Variants in KCNIP4 observed in about 807,000 individuals in gnomAD.
KCNIP4 encodes potassium voltage-gated channel interacting protein 4.
A neutral mutation model predicts 34.0 loss-of-function variants in KCNIP4; 12 were observed. That is an observed-to-expected ratio of 0.35 (90% CI 0.23 to 0.57). The LOEUF is 0.57. Ranked by LOEUF, KCNIP4 falls within the 20% of genes least tolerant of loss-of-function variation. The pLI is 0.83. For synonymous variants in KCNIP4, 124 were observed against 102.2 expected, an observed-to-expected ratio of 1.21 and a Z score of -1.29; for missense variants, 238 against 311.7, an observed-to-expected ratio of 0.76 and a Z score of 1.78.
chr4:20,932,998 C>A (rs1167360776), intron 1 of KCNIP4, among the ~76,000 whole-genome samples: 1 of 152,114 alleles, frequency 6.6e-6, no homozygotes, highest in East Asian at 1.9e-4. Context: ...GCAATCCCAG[C>A]ACTTTGGGAG....
chr4:21,727,932 G>A (rs4550912), intron 1 of KCNIP4, among the ~76,000 whole-genome samples: 62,733 of 151,946 alleles, frequency 0.41, 15,164 homozygotes, highest in East Asian at 0.68. Flanking sequence ...GACCTAAAAT[G>A]CAACTAATAA....
At chr4:21,828,223 T>C (rs1264315413) in intron 1 of KCNIP4, among the ~76,000 whole-genome samples, 1 of 151,540 alleles carries the variant, frequency 6.6e-6, no homozygotes, top group Non-Finnish European at 1.5e-5. Flanking sequence ...ACAATTGAAA[T>C]TAATAATAAA....
intron 1 of KCNIP4, among the ~76,000 whole-genome samples, chr4:21,639,838 A>G (rs1746487783): frequency 6.6e-6 from 1 of 152,174 alleles, no homozygotes; most frequent in African/African-American, 2.4e-5. Flanking sequence ...AAAAAACTAC[A>G]GGATAGATTT....
chr4:20,857,067 T>G (rs1388554243), intron 2 of KCNIP4, among the ~76,000 whole-genome samples: 1 of 150,004 alleles, frequency 6.7e-6, no homozygotes, highest in Admixed American at 6.7e-5. Context: ...AAAACGCCCT[T>G]GAAGTGTCTG....
chr4:21,219,278 T>C (rs1757822885), intron 1 of KCNIP4, among the ~76,000 whole-genome samples: 2 of 152,112 alleles, frequency 1.3e-5, no homozygotes, highest in African/African-American at 4.8e-5. Flanking sequence ...GGATAAACCC[T>C]TCCTGCAAGG....
chr4:21,113,543 A>G (rs1377492197), intron 1 of KCNIP4, among the ~76,000 whole-genome samples: 3 of 151,792 alleles, frequency 2.0e-5, no homozygotes, highest in African/African-American at 7.3e-5. Context: ...CTGGGACTTA[A>G]TCTAGAATAA....
At chr4:21,815,124 A>G (rs28653597) in intron 1 of KCNIP4, among the ~76,000 whole-genome samples, 132,573 of 152,112 alleles carry the variant, frequency 0.87, 57,975 homozygotes, top group South Asian at 0.92. Flanking sequence ...CGTGTACACC[A>G]GGTTAAGGTG....
At chr4:21,048,799 A>G (rs180827424) in intron 1 of KCNIP4, among the ~76,000 whole-genome samples, 67 of 152,286 alleles carry the variant, frequency 4.4e-4, no homozygotes, top group East Asian at 1.2e-3. Context: ...CTAGCTTGCA[A>G]GAGAGTAGAC....
At position 21,764,937 on chromosome 4, in the gene KCNIP4, T is replaced by C. The variant is rs559715820; in HGVS notation, c.61+183634A>G. On this transcript the variant is annotated intron_variant, in intron 1 of 8. Coordinates refer to ENST00000382152, the MANE Select transcript of KCNIP4 (RefSeq NM_025221.6). ...GAAGTTCAATTCATAAGCCCTTTGC[T>C]CTTCTCATTAAAAGCTGTGTATTGG... is the stretch of plus-strand genomic sequence containing the variant. 2.5e-4 allele frequency among the ~76,000 whole-genome samples: 38 copies of C among 152,110 alleles called. No individual in the cohort carries two copies. The East Asian group carries it at 7.2e-3, about 29-fold the overall frequency.
intron 1 of KCNIP4, among the ~76,000 whole-genome samples, chr4:21,111,954 C>T (rs533416026): frequency 6.6e-6 from 1 of 152,058 alleles, no homozygotes; most frequent in Admixed American, 6.5e-5. Context: ...AATGATAGAG[C>T]AAAACAGAAA....
rs185398724 is a variant in KCNIP4 at position 20,947,649 on chromosome 4, G to A, written c.62-64940C>T. Among the ~76,000 whole-genome samples, 380 of 152,344 alleles carry A rather than the reference G, an allele frequency of 2.5e-3. 2 individuals carry two copies. Among genetic ancestry groups the A allele is most frequent in the African/African-American group, 8.7e-3 (361 of 41,580 alleles). On this transcript the variant is annotated intron_variant, in intron 1 of 8. Coordinates refer to ENST00000382152, the MANE Select transcript of KCNIP4 (RefSeq NM_025221.6). ...AAATAACCTAAATACAGAGAAGCCTGAAAGTGTAAGGAAGCTCCTTAACTT... is the reference window on the plus strand; with the variant it reads ...AAATAACCTAAATACAGAGAAGCCTAAAAGTGTAAGGAAGCTCCTTAACTT...
At chr4:21,501,244 T>TCACACA (rs755377009) in intron 1 of KCNIP4, among the ~76,000 whole-genome samples, 18 of 142,452 alleles carry the variant, frequency 1.3e-4, no homozygotes, top group African/African-American at 4.4e-4. Context: ...TCTCTCTCTC[T>TCACACA]CTCTCACACA....
At chr4:20,860,508 A>T (rs1722082467) in intron 2 of KCNIP4, among the ~76,000 whole-genome samples, 1 of 152,204 alleles carries the variant, frequency 6.6e-6, no homozygotes, top group South Asian at 2.1e-4. Flanking sequence ...AAAGATTATA[A>T]ATATTGTAAC....
intron 1 of KCNIP4, among the ~76,000 whole-genome samples, chr4:21,044,144 C>T (rs1310534001): frequency 6.6e-6 from 1 of 152,102 alleles, no homozygotes; most frequent in African/African-American, 2.4e-5. Context: ...GGGGCAGTTT[C>T]CAGCTTTGTA....
chr4:21,476,146 G>A (rs370717638), intron 1 of KCNIP4, among the ~76,000 whole-genome samples: 35 of 152,208 alleles, frequency 2.3e-4, no homozygotes, highest in East Asian at 1.7e-3. Flanking sequence ...TTTTATCTTC[G>A]CTCAAGAGTC....
At position 20,836,132 on chromosome 4, in the gene KCNIP4, G is replaced by T. The variant is rs78903940; in HGVS notation, c.288+14411C>A. Among the ~76,000 whole-genome samples the T allele has an allele frequency of 8.5e-3, 1,285 of 152,056 alleles. 24 individuals carry two copies. The highest frequency in any genetic ancestry group is 0.03 in the African/African-American group (1,235 of 41,462). ...TCCTACTTAATCCTTTAATGATTTT[G>T]CCCTGTGCAATGAGTCAAATCCAGT... On this transcript the variant is annotated intron_variant, in intron 3 of 8. Coordinates refer to ENST00000382152, the MANE Select transcript of KCNIP4 (RefSeq NM_025221.6).
At chr4:21,077,342 GA>G (rs1171215212) in intron 1 of KCNIP4, among the ~76,000 whole-genome samples, 1 of 152,050 alleles carries the variant, frequency 6.6e-6, no homozygotes, top group East Asian at 1.9e-4. Flanking sequence ...AATATTTGAA[GA>G]AGTTACTACT....
intron 1 of KCNIP4, among the ~76,000 whole-genome samples, chr4:21,716,971 A>G (rs1327779537): frequency 6.6e-6 from 1 of 152,144 alleles, no homozygotes; most frequent in African/African-American, 2.4e-5. Context: ...CTATCCTTCC[A>G]AAGGTGAAAC....
chr4:21,528,800 AAAGG>A lies in KCNIP4; in HGVS notation c.61+419767_61+419770del, dbSNP rs1157389642. ...GAAAGGAAGAAAGGAAGAAAGGAAG[AAAGG>A]AAGGAAGGAAGGAAGGAAGGAAGGA... is the stretch of plus-strand genomic sequence containing the variant. On this transcript the variant is annotated intron_variant, in intron 1 of 8. Coordinates refer to ENST00000382152, the MANE Select transcript of KCNIP4 (RefSeq NM_025221.6). Among the ~76,000 whole-genome samples the A allele has an allele frequency of 1.2e-3, 31 of 25,074 alleles. 2 individuals carry two copies. The highest frequency in any genetic ancestry group is 1.8e-3 in the Non-Finnish European group (21 of 11,814). The allele number at this position is 25,074 out of a possible 152,430, so 16.4% of individuals were successfully genotyped here. A position where few individuals can be genotyped will look rare whatever the true frequency, so the allele number is the denominator to read the frequency against.
Sources: allele counts gnomAD v4.1 joint callset (sites outside exome capture counted in the v4.1 genomes callset), GRCh38; gene constraint gnomAD v4.1.1; transcripts MANE v1.5; gene names NCBI Gene and HGNC (gene_info 2026-07-23, HGNC 2026-07-21).